Variants in MVB12B observed in about 807,000 individuals in gnomAD.
The protein encoded by MVB12B is multivesicular body subunit 12B.
Under a neutral mutation model 41.6 loss-of-function variants are expected in MVB12B, and 16 were observed. That is an observed-to-expected ratio of 0.38 (90% confidence interval 0.26 to 0.58). MVB12B has a LOEUF of 0.58. MVB12B is among the 20% of genes least tolerant of loss of function. The probability of loss-of-function intolerance (pLI) is 0.62; values close to 1 mark genes in which losing one functional copy is unlikely to be tolerated. For missense variants in MVB12B, 274 were observed against 380.2 expected (o/e 0.72, Z 2.32); for synonymous variants, 133 against 139.7 (o/e 0.95, Z 0.34).
chr9:126,352,259 G>A (rs1328498147), intron 2 of MVB12B, among the ~76,000 whole-genome samples: 1 of 152,166 alleles, frequency 6.6e-6, no homozygotes, highest in Non-Finnish European at 1.5e-5. Context: ...ATTGGAAAGT[G>A]TTCCATCCTC....
At chr9:126,406,051 G>GTT (rs992511219) in intron 6 of MVB12B, among the ~76,000 whole-genome samples, 3 of 144,180 alleles carry the variant, frequency 2.1e-5, no homozygotes, top group Non-Finnish European at 4.6e-5. Flanking sequence ...TTTGTGGGGG[G>GTT]TTTTTTTTTT....
In MVB12B at chr9:126,392,247, A is replaced by G. The variant is rs1830978501; in HGVS notation, c.539+52A>G. On this transcript the variant is annotated intron_variant, in intron 5 of 9. Transcript: ENST00000361171. The surrounding 1 kb of genome is among the most constrained non-coding windows in gnomAD (Gnocchi z 4.8). ...CTGCTTCTCTTCCCTGAGAGCACTC[A>G]GGCCACTCCAGGCAATGAGGTCCAA... 3 of 1,601,556 alleles carry G rather than the reference A, an allele frequency of 1.9e-6. No individual in the cohort carries two copies. Among genetic ancestry groups the G allele is most frequent in the Non-Finnish European group, 2.6e-6 (3 of 1,170,762 alleles).
At chr9:126,331,731 G>A (rs776343197) in intron 1 of MVB12B, among the ~76,000 whole-genome samples, 1 of 152,214 alleles carries the variant, frequency 6.6e-6, no homozygotes, top group Non-Finnish European at 1.5e-5. Flanking sequence ...TGTCAGAGCT[G>A]GAATTCAAGC....
chr9:126,381,430 T>C (rs1830632567), intron 3 of MVB12B, among the ~76,000 whole-genome samples: 1 of 152,156 alleles, frequency 6.6e-6, no homozygotes, highest in Non-Finnish European at 1.5e-5. Flanking sequence ...CTCTCCCAGC[T>C]CTCATTTGCC....
chr9:126,498,266 C>T (rs887249041), intron 9 of MVB12B, among the ~76,000 whole-genome samples: 5 of 152,010 alleles, frequency 3.3e-5, no homozygotes, highest in Non-Finnish European at 5.9e-5. Flanking sequence ...AGTGCTGAGC[C>T]GGGGGGGCTT....
chr9:126,463,415 G>GC (rs1833133004), intron 7 of MVB12B, among the ~76,000 whole-genome samples: 1 of 152,116 alleles, frequency 6.6e-6, no homozygotes, highest in South Asian at 2.1e-4. Flanking sequence ...GAAATACAAG[G>GC]CATAGAAATG....
intron 6 of MVB12B, among the ~76,000 whole-genome samples, chr9:126,402,311 G>A (rs576027632): frequency 6.6e-6 from 1 of 152,266 alleles, no homozygotes; most frequent in Non-Finnish European, 1.5e-5. Context: ...GGTGAGCTAA[G>A]CAATGGAGCA....
At position 126,480,392 on chromosome 9, in the gene MVB12B, A is replaced by G. The variant is rs12236691; in HGVS notation, c.758-977A>G. On this transcript the variant is annotated intron_variant, in intron 7 of 9. Coordinates refer to ENST00000361171, the MANE Select transcript of MVB12B (RefSeq NM_033446.3). This position sits in a 1 kb window ranked among gnomAD's most constrained non-coding sequence, Gnocchi z 4.9. Reference sequence around the variant, plus strand: ...CTCGTCCAGTGTGACCTGTTCCTCAATGTGGCAGGATTTCCAGTCCTGGTG... The same window carrying G: ...CTCGTCCAGTGTGACCTGTTCCTCAGTGTGGCAGGATTTCCAGTCCTGGTG... Among the ~76,000 whole-genome samples, 913 of 152,270 alleles carry G rather than the reference A, an allele frequency of 6.0e-3. 50 individuals are homozygous for G. The East Asian group carries it at 0.14, about 24-fold the overall frequency.
At chr9:126,474,518 T>C in intron 7 of MVB12B, among the ~76,000 whole-genome samples, 1 of 152,110 alleles carries the variant, frequency 6.6e-6, no homozygotes, top group East Asian at 1.9e-4. Context: ...TGTTACAGAA[T>C]TAAGAGGGGA....
intron 9 of MVB12B, among the ~76,000 whole-genome samples, chr9:126,498,750 C>T (rs761600658): frequency 7.9e-5 from 12 of 152,238 alleles, no homozygotes; most frequent in Admixed American, 7.8e-4. Flanking sequence ...CTGGGAACAG[C>T]CCCTTACTGC....
intron 2 of MVB12B, among the ~76,000 whole-genome samples, chr9:126,361,421 T>C (rs542646158): frequency 6.6e-6 from 1 of 152,346 alleles, no homozygotes; most frequent in South Asian, 2.1e-4. Flanking sequence ...AATACATTGT[T>C]ATCATTTTTG....
intron 7 of MVB12B, among the ~76,000 whole-genome samples, chr9:126,445,552 C>T (rs975916322): frequency 6.6e-6 from 1 of 152,268 alleles, no homozygotes; most frequent in Non-Finnish European, 1.5e-5. Context: ...GATCCTCCCC[C>T]TCGGCCTCCC....
In MVB12B at chr9:126,386,523, T is replaced by C; in HGVS notation, c.313-39T>C. On this transcript the variant is annotated intron_variant, in intron 3 of 9. Transcript: ENST00000361171. This position sits in a 1 kb window ranked among gnomAD's most constrained non-coding sequence, Gnocchi z 4.3. ...AATGGCAAACCCACCACATGCATGTTCAGATTAATAGTCTGTATCTCTTTT... is the reference window on the plus strand; with the variant it reads ...AATGGCAAACCCACCACATGCATGTCCAGATTAATAGTCTGTATCTCTTTT... 6.6e-7 allele frequency: 1 copy of C among 1,520,822 alleles called. No individual in the cohort carries two copies. The highest frequency in any genetic ancestry group is 9.1e-7 in the Non-Finnish European group (1 of 1,096,064). 94.2% of individuals were successfully genotyped at this position (1,520,822 alleles called of 1,614,324 possible). A position where few individuals can be genotyped will look rare whatever the true frequency, so the allele number is the denominator to read the frequency against.
At chr9:126,339,211 A>G (rs1223434484) in intron 1 of MVB12B, among the ~76,000 whole-genome samples, 1 of 152,088 alleles carries the variant, frequency 6.6e-6, no homozygotes, top group African/African-American at 2.4e-5. Flanking sequence ...GATTGTTCCT[A>G]TTTAGAAGGC....
intron 9 of MVB12B, among the ~76,000 whole-genome samples, chr9:126,495,267 C>T (rs10819173): frequency 0.24 from 37,039 of 151,324 alleles, 4,829 homozygotes; most frequent in Non-Finnish European, 0.29. Context: ...GGGCATCTGA[C>T]GGTGCACAGC....
At chr9:126,437,333 T>A (rs866531065) in intron 7 of MVB12B, among the ~76,000 whole-genome samples, 86 of 152,232 alleles carry the variant, frequency 5.6e-4, no homozygotes, top group African/African-American at 1.9e-3. Context: ...TTGAGTACAG[T>A]TTGCAAAACT....
chr9:126,387,450 C>T (rs568344130), intron 4 of MVB12B, among the ~76,000 whole-genome samples: 1 of 152,296 alleles, frequency 6.6e-6, no homozygotes, highest in South Asian at 2.1e-4. Context: ...TTTTCTGTCT[C>T]ATACTTTATT....
rs144293693 is a variant in MVB12B at position 126,448,694 on chromosome 9, G to T, written c.757+26746G>T. On this transcript the variant is annotated intron_variant, in intron 7 of 9. Coordinates refer to ENST00000361171, the MANE Select transcript of MVB12B (RefSeq NM_033446.3). ...AGAGCGGGAGCAAGAGAAAGAGAAG[G>T]GGGAGGTCCCAGGCCCTTTCAAACA... is the stretch of plus-strand genomic sequence containing the variant. Among the ~76,000 whole-genome samples the T allele has an allele frequency of 3.5e-3, 533 of 152,204 alleles. 4 individuals are homozygous for T. The highest frequency in any genetic ancestry group is 0.012 in the African/African-American group (500 of 41,520).
chr9:126,342,589 C>T (rs577656307), intron 2 of MVB12B, among the ~76,000 whole-genome samples: 3 of 152,132 alleles, frequency 2.0e-5, no homozygotes, highest in Admixed American at 6.5e-5. Context: ...CTCATCCGCC[C>T]GGTAATTACC....
Sources: allele counts gnomAD v4.1 joint callset (sites outside exome capture counted in the v4.1 genomes callset), GRCh38; gene constraint gnomAD v4.1.1; non-coding constraint Gnocchi (gnomAD v3.1); transcripts MANE v1.5; gene names NCBI Gene and HGNC (gene_info 2026-07-23, HGNC 2026-07-21).